Variants in UGGT2 observed in about 807,000 individuals in gnomAD.
The protein encoded by UGGT2 is UDP-glucose:glycoprotein glucosyltransferase 2.
A neutral mutation model predicts 192.1 loss-of-function variants in UGGT2; 180 were observed. The ratio of observed to expected loss-of-function variants is 0.94; its 90% confidence interval spans 0.83 to 1.06. The LOEUF (loss-of-function observed/expected upper bound fraction) is 1.06. Among genes scored for constraint, UGGT2 ranks in the 50% least tolerant of loss-of-function variants. The probability of loss-of-function intolerance (pLI) is 0.00; values close to 1 mark genes in which losing one functional copy is unlikely to be tolerated. For missense variants in UGGT2, 1,849 were observed against 1,795.7 expected, an observed-to-expected ratio of 1.03 and a Z score of -0.54; for synonymous variants, 580 against 591.0, an observed-to-expected ratio of 0.98 and a Z score of 0.27.
At chr13:95,947,844 G>C (rs2049928793) in intron 14 of UGGT2, 152 bp downstream of exon 14, 1 of 543,816 alleles carries the variant, frequency 1.8e-6, no homozygotes, top group Admixed American at 3.3e-5. Context: ...CTAACATAAA[G>C]GTATATAATA....
chr13:95,837,140 C>T lies in UGGT2; in HGVS notation c.4347G>A (p.Trp1449Ter). 1 of 1,614,028 alleles carries T rather than the reference C, an allele frequency of 6.2e-7. No homozygotes were observed. Among genetic ancestry groups the T allele is most frequent in the Non-Finnish European group, 8.5e-7 (1 of 1,179,962 alleles). The change falls in exon 37 of 39, where the codon TGG becomes TGA. Residue 1449 changes from tryptophan (W) to a stop codon, truncating the protein, a stop_gained. Transcript: ENST00000376747. LOFTEE classifies it high-confidence loss of function. Reference sequence around the variant, plus strand: ...ATTCATCATCACACCAGGTTTCACACCACAGCCAGTCTTGAGGAAGAGACT... The same window carrying T: ...ATTCATCATCACACCAGGTTTCACATCACAGCCAGTCTTGAGGAAGAGACT... ...AIKSLPQDWL[W>*]CETWCDDESK... is the part of the protein sequence containing the mutation.
At chr13:96,040,262 G>A (rs1306003037) in intron 1 of UGGT2, among the ~76,000 whole-genome samples, 1 of 152,192 alleles carries the variant, frequency 6.6e-6, no homozygotes, top group East Asian at 1.9e-4. Flanking sequence ...AAATCAAGGT[G>A]TTGGCAGGGC....
chr13:95,973,958 G>A (rs2050857293), intron 10 of UGGT2, among the ~76,000 whole-genome samples: 1 of 152,258 alleles, frequency 6.6e-6, no homozygotes, highest in South Asian at 2.1e-4. Flanking sequence ...ATATATTTAG[G>A]AGGAAAAACA....
chr13:95,944,647 T>C (rs1424879265), intron 15 of UGGT2, among the ~76,000 whole-genome samples: 1 of 152,076 alleles, frequency 6.6e-6, no homozygotes, highest in Non-Finnish European at 1.5e-5. Flanking sequence ...AGTTCATTAA[T>C]GTATATTCTT....
chr13:95,980,540 A>G (rs970194897), intron 10 of UGGT2, among the ~76,000 whole-genome samples: 4 of 152,158 alleles, frequency 2.6e-5, no homozygotes, highest in African/African-American at 9.7e-5. Flanking sequence ...AAATCTCAGA[A>G]ATCACCACTA....
At chr13:95,803,240 G>A (rs1432798743) in intron 38 of UGGT2, among the ~76,000 whole-genome samples, 1 of 152,068 alleles carries the variant, frequency 6.6e-6, no homozygotes, top group African/African-American at 2.4e-5. Flanking sequence ...TGGGAGAGAG[G>A]GGGAAAGAGG....
chr13:95,869,410 G>A (rs1413557154), intron 29 of UGGT2, among the ~76,000 whole-genome samples: 2 of 152,022 alleles, frequency 1.3e-5, no homozygotes, highest in African/African-American at 4.8e-5. Flanking sequence ...CCCAGTAATG[G>A]GATGACTGGG....
At chr13:95,948,796 G>A (rs2049964714) in intron 13 of UGGT2, among the ~76,000 whole-genome samples, 1 of 152,184 alleles carries the variant, frequency 6.6e-6, no homozygotes, top group African/African-American at 2.4e-5. Context: ...CAGAACATGT[G>A]ACTAATATGG....
At chr13:95,856,106 G>A (rs983516742) in intron 34 of UGGT2, 52 bp downstream of exon 34, 91 of 1,380,992 alleles carry the variant, frequency 6.6e-5, no homozygotes, top group Non-Finnish European at 8.6e-5. Flanking sequence ...TATTAAGATA[G>A]AAGTGTAAAA....
intron 12 of UGGT2, among the ~76,000 whole-genome samples, chr13:95,949,706 C>A (rs2049996857): frequency 6.6e-6 from 1 of 152,030 alleles, no homozygotes; most frequent in African/African-American, 2.4e-5. Flanking sequence ...TTTTTCATAT[C>A]CCAACGTAAA....
intron 38 of UGGT2, among the ~76,000 whole-genome samples, chr13:95,804,810 T>TA (rs1884225531): frequency 6.6e-6 from 1 of 152,110 alleles, no homozygotes; most frequent in Admixed American, 6.5e-5. Context: ...ATTAAAAACC[T>TA]AAATATAAGA....
At chr13:95,976,289 A>G (rs1411213976) in intron 10 of UGGT2, among the ~76,000 whole-genome samples, 1 of 152,162 alleles carries the variant, frequency 6.6e-6, no homozygotes, top group Non-Finnish European at 1.5e-5. Flanking sequence ...CATTGTGTCT[A>G]TGTACCAAAT....
chr13:95,942,098 TTATC>T (rs1255767890), intron 15 of UGGT2, among the ~76,000 whole-genome samples: 4 of 151,502 alleles, frequency 2.6e-5, no homozygotes, highest in African/African-American at 4.8e-5. Context: ...CAAATTCTAC[TTATC>T]TATTTTGCTA....
chr13:95,986,672 A>C (rs2051299888), intron 8 of UGGT2, among the ~76,000 whole-genome samples: 1 of 152,120 alleles, frequency 6.6e-6, no homozygotes, highest in Non-Finnish European at 1.5e-5. Context: ...AAATTACAGT[A>C]TAATTTCGAG....
At chr13:95,926,476 G>C (rs568975899) in intron 19 of UGGT2, among the ~76,000 whole-genome samples, 1 of 152,020 alleles carries the variant, frequency 6.6e-6, no homozygotes, top group Admixed American at 6.6e-5. Context: ...GAGCAAAGCA[G>C]GCCAAACAAA....
intron 7 of UGGT2, among the ~76,000 whole-genome samples, chr13:95,992,605 C>T (rs566420767): frequency 3.0e-4 from 45 of 152,088 alleles, no homozygotes; most frequent in Non-Finnish European, 6.0e-4. Context: ...TTTAGGGTTT[C>T]CTAGGCAAAA....
intron 5 of UGGT2, among the ~76,000 whole-genome samples, chr13:96,007,028 A>G (rs1047354197): frequency 1.3e-5 from 2 of 152,220 alleles, no homozygotes; most frequent in Non-Finnish European, 1.5e-5. Flanking sequence ...TAATAAACAC[A>G]GATGTAAAAA....
At chr13:95,886,414 G>A (rs2047648523) in intron 26 of UGGT2, among the ~76,000 whole-genome samples, 1 of 152,130 alleles carries the variant, frequency 6.6e-6, no homozygotes, top group Non-Finnish European at 1.5e-5. Flanking sequence ...TTCCCTCCCA[G>A]TAGATTATGC....
intron 12 of UGGT2, among the ~76,000 whole-genome samples, chr13:95,968,714 A>G (rs991791388): frequency 6.6e-6 from 1 of 152,194 alleles, no homozygotes; most frequent in Non-Finnish European, 1.5e-5. Flanking sequence ...CAGAACTGTA[A>G]GTCAAGTAAA....
Sources: allele counts gnomAD v4.1 joint callset (sites outside exome capture counted in the v4.1 genomes callset), GRCh38; gene constraint gnomAD v4.1.1; transcripts MANE v1.5; gene names NCBI Gene and HGNC (gene_info 2026-07-23, HGNC 2026-07-21).